The following RASGRF1 variants were observed in gnomAD, a reference collection of about 807,000 sequenced individuals.
The protein encoded by RASGRF1 is Ras protein specific guanine nucleotide releasing factor 1.
In RASGRF1, 40 loss-of-function variants were observed where a neutral mutation model predicts 138.7. The ratio of observed to expected loss-of-function variants is 0.29; its 90% CI spans 0.22 to 0.38. The LOEUF is 0.38. RASGRF1 is among the 10% of genes least tolerant of loss of function. The pLI, the probability that RASGRF1 is intolerant of heterozygous loss-of-function variation, is 1.00. For missense variants in RASGRF1, 1,108 were observed against 1,650.4 expected (o/e 0.67, Z 5.69); for synonymous variants, 614 against 663.2 (o/e 0.93, Z 1.14).
intron 14 of RASGRF1, chr15:79,005,567 G>A (rs929559795): frequency 4.7e-5 from 46 of 986,128 alleles, no homozygotes; most frequent in Non-Finnish European, 5.5e-5. Context: ...GGACAGCCTT[G>A]GCCAAGTCCT....
At chr15:79,078,763 C>T (rs2057874211) in intron 1 of RASGRF1, among the ~76,000 whole-genome samples, 1 of 152,232 alleles carries the variant, frequency 6.6e-6, no homozygotes, top group African/African-American at 2.4e-5. Context: ...GTGGCCGCAC[C>T]AGAACCTCTG....
At chr15:78,982,817 C>T (rs751736540) in intron 23 of RASGRF1, among the ~76,000 whole-genome samples, 40 of 152,098 alleles carry the variant, frequency 2.6e-4, no homozygotes, top group Non-Finnish European at 4.6e-4. Flanking sequence ...CCAGGAGAGG[C>T]GACACACAAA....
chr15:79,030,032 G>A (rs2057115168), intron 8 of RASGRF1, among the ~76,000 whole-genome samples: 1 of 152,010 alleles, frequency 6.6e-6, no homozygotes, highest in Non-Finnish European at 1.5e-5. Flanking sequence ...GAGGACTGGA[G>A]TCCCTCCACC....
intron 16 of RASGRF1, among the ~76,000 whole-genome samples, chr15:79,000,886 T>C (rs1280605605): frequency 6.6e-6 from 1 of 152,206 alleles, no homozygotes; most frequent in Non-Finnish European, 1.5e-5. Context: ...GGGTTCCTTT[T>C]GAAAGCCTGG....
intron 26 of RASGRF1, among the ~76,000 whole-genome samples, chr15:78,963,718 G>C (rs1157243898): frequency 6.6e-6 from 1 of 152,200 alleles, no homozygotes; most frequent in Non-Finnish European, 1.5e-5. Context: ...CCGGCTGTCT[G>C]CTATGCTGAT....
chr15:79,032,031 G>C lies in RASGRF1; in HGVS notation c.1152+92C>G. ...CGCCCCCTTTGGCAGCCCAGAGCTG[G>C]GGTGCGTTAAGCACTGTGCCCCCAC... On this transcript the variant is annotated intron_variant, in intron 7 of 26. Transcript: ENST00000558480. The surrounding 1 kb of genome is among the most constrained non-coding windows in gnomAD (Gnocchi z 4.5). 1 of 1,417,018 alleles carries C rather than the reference G, an allele frequency of 7.1e-7. No individual in the cohort carries two copies. The allele number at this position is 1,417,018 out of a possible 1,614,324, so 87.8% of individuals were successfully genotyped here.
intron 5 of RASGRF1, among the ~76,000 whole-genome samples, chr15:79,044,156 G>C (rs540185716): frequency 1.6e-4 from 24 of 152,326 alleles, no homozygotes; most frequent in Admixed American, 9.1e-4. Context: ...ACATGGCAGA[G>C]GGGCTGAGTT....
At chr15:79,031,634 AAGGGAGGGAGGG>A in intron 7 of RASGRF1, 125 bp from the exon 8 acceptor site, 1 of 182,868 alleles carries the variant, frequency 5.5e-6, no homozygotes, top group South Asian at 6.9e-5. Context: ...GAGGGAGAGG[AAGGGAGGGAGGG>A]AGGGAGAGAG....
intron 5 of RASGRF1, among the ~76,000 whole-genome samples, chr15:79,039,313 A>G (rs990070824): frequency 2.0e-5 from 3 of 148,050 alleles, no homozygotes; most frequent in African/African-American, 7.8e-5. Context: ...AAAAAAAAAA[A>G]AAAAAAAAAG....
rs147388049 is a variant in RASGRF1, at chr15:79,010,886, G to A, written c.1826+4441C>T. Among the ~76,000 whole-genome samples the A allele has an allele frequency of 4.2e-3, 642 of 152,268 alleles. 7 individuals carry two copies. Among genetic ancestry groups the A allele is most frequent in the African/African-American group, 0.013 (559 of 41,526 alleles). ...CTACATCCATCCACAGAGCTGCTGCGGGAAGGCCTGGATGCATCATGTTAG... is the reference window on the plus strand; with the variant it reads ...CTACATCCATCCACAGAGCTGCTGCAGGAAGGCCTGGATGCATCATGTTAG... On this transcript the variant is annotated intron_variant, in intron 13 of 26. Coordinates refer to ENST00000558480, the MANE Select transcript of RASGRF1 (RefSeq NM_001145648.3).
intron 8 of RASGRF1, among the ~76,000 whole-genome samples, chr15:79,030,496 T>C (rs891671374): frequency 2.0e-5 from 3 of 152,196 alleles, no homozygotes; most frequent in African/African-American, 7.2e-5. Context: ...CGGATTTCTC[T>C]TTCCCCTCTG....
chr15:78,995,749 G>C lies in RASGRF1; in HGVS notation c.3018C>G (p.Ile1006Met), dbSNP rs761957930. Residue 1006 changes from isoleucine to methionine, a missense_variant, in exon 20 of 27, where the codon ATC (isoleucine) becomes ATG (methionine). Around this residue, in one of 3 missense-constraint regions of RASGRF1, gnomAD observed 686 missense variants for 976.7 expected, o/e 0.70. Transcript: ENST00000558480. ...PGDNQITLEE[I>M]TQMAEGVKAE... ...GGCAGGCCCAGCTCACCATCTGCGTGATCTCCTCCAGCGTGATCTGGTTGT... is the reference window on the plus strand; with the variant it reads ...GGCAGGCCCAGCTCACCATCTGCGTCATCTCCTCCAGCGTGATCTGGTTGT... The C allele has an allele frequency of 1.2e-6, 2 of 1,614,190 alleles. No individual in the cohort carries two copies. Among genetic ancestry groups the C allele is most frequent in the Admixed American group, 3.3e-5 (2 of 60,024 alleles).
chr15:79,043,849 C>G (rs904763235), intron 5 of RASGRF1, among the ~76,000 whole-genome samples: 1 of 152,220 alleles, frequency 6.6e-6, no homozygotes, highest in African/African-American at 2.4e-5. Flanking sequence ...TAAAGGGCAT[C>G]TAATTCAACT....
intron 1 of RASGRF1, among the ~76,000 whole-genome samples, chr15:79,076,694 A>T (rs889331147): frequency 6.6e-6 from 1 of 152,224 alleles, no homozygotes; most frequent in African/African-American, 2.4e-5. Flanking sequence ...TGTTCAGGCC[A>T]TGGAGACCCA....
intron 1 of RASGRF1, among the ~76,000 whole-genome samples, chr15:79,083,562 C>G (rs1044942274): frequency 4.6e-5 from 7 of 152,184 alleles, no homozygotes; most frequent in African/African-American, 1.7e-4. Flanking sequence ...AAATCACTGG[C>G]GCGACTGTGA....
chr15:78,990,155 C>T (rs762693631), intron 22 of RASGRF1, 34 bp downstream of exon 22: 1 of 1,501,730 alleles, frequency 6.7e-7, no homozygotes, highest in South Asian at 1.1e-5. Flanking sequence ...CAAAGAAAAA[C>T]CCCAGTGAGA....
chr15:79,023,125 G>A (rs924715498), intron 10 of RASGRF1, among the ~76,000 whole-genome samples: 11 of 151,800 alleles, frequency 7.2e-5, no homozygotes, highest in Non-Finnish European at 1.2e-4. Context: ...AGTGAGCCGA[G>A]ATCACGCCAC....
chr15:78,980,945 G>A (rs2056013642), intron 23 of RASGRF1: 1 of 363,242 alleles, frequency 2.8e-6, no homozygotes, highest in Admixed American at 4.4e-5. Flanking sequence ...TGAGGGACCT[G>A]AGTGTGGATT....
chr15:79,084,307 C>T (rs113489515), intron 1 of RASGRF1, among the ~76,000 whole-genome samples: 2,764 of 152,334 alleles, frequency 0.018, 86 homozygotes, highest in African/African-American at 0.062. Context: ...AAACTGAAAT[C>T]CTAGTGTAGA....
Sources: allele counts gnomAD v4.1 joint callset (sites outside exome capture counted in the v4.1 genomes callset), GRCh38; gene constraint gnomAD v4.1.1; regional missense constraint gnomAD v4.1.1; non-coding constraint Gnocchi (gnomAD v3.1); transcripts MANE v1.5; gene names NCBI Gene and HGNC (gene_info 2026-07-23, HGNC 2026-07-21).